The following BRD4 variants were observed in gnomAD, a reference collection of about 807,000 sequenced individuals.
The protein encoded by BRD4 is bromodomain-containing protein 4.
A neutral mutation model predicts 142.1 loss-of-function variants in BRD4; 16 were observed. The ratio of observed to expected loss-of-function variants is 0.11; its 90% confidence interval spans 0.08 to 0.17. The LOEUF (loss-of-function observed/expected upper bound fraction) is 0.17, where lower values mean the gene tolerates loss of function less well. Ranked by LOEUF, BRD4 falls within the 10% of genes least tolerant of loss-of-function variation. The pLI, the probability that BRD4 is intolerant of heterozygous loss-of-function variation, is 1.00. For missense variants in BRD4, 1,424 were observed against 1,810.9 expected, an observed-to-expected ratio of 0.79 and a Z score of 3.88; for synonymous variants, 833 against 707.5, an observed-to-expected ratio of 1.18 and a Z score of -2.82.
intron 1 of BRD4, among the ~76,000 whole-genome samples, chr19:15,275,206 G>C (rs1334152249): frequency 2.0e-5 from 3 of 152,194 alleles, no homozygotes; most frequent in African/African-American, 4.8e-5. Context: ...GTTTTCTACA[G>C]AAAACCTGAC....
chr19:15,275,870 T>C (rs1411839908), intron 1 of BRD4: 1 of 152,136 alleles, frequency 6.6e-6, no homozygotes, highest in Non-Finnish European at 1.5e-5. Flanking sequence ...TAGCCGGGCA[T>C]GGTGGCCAGC....
chr19:15,310,271 T>G (rs1300082210), intron 1 of BRD4, among the ~76,000 whole-genome samples: 1 of 124,284 alleles, frequency 8.0e-6, no homozygotes, highest in East Asian at 2.6e-4. Context: ...TGAAGTGCAA[T>G]GGCGTGATCT....
Position 15,273,104 on chromosome 19 carries a change from G to A in BRD4, c.-5C>T. On this transcript the variant is annotated 5_prime_UTR_variant, in exon 2 of 20. Coordinates refer to ENST00000679869, the MANE Select transcript of BRD4 (RefSeq NM_001379291.1). The stretch of plus-strand genomic sequence containing the variant: ...AGGGCCGCTCTCCGCAGACATGCTA[G>A]TGATCCCATCACATTCTTCACCAGG... The A allele has an allele frequency of 6.3e-7, 1 of 1,578,688 alleles. No homozygotes were observed. The highest frequency in any genetic ancestry group is 1.2e-5 in the South Asian group (1 of 84,706).
At chr19:15,251,450 G>C (rs947389060) in intron 11 of BRD4, among the ~76,000 whole-genome samples, 6 of 106,636 alleles carry the variant, frequency 5.6e-5, no homozygotes, top group African/African-American at 7.5e-5. Context: ...GGGGGGGGGG[G>C]GGGGGCGGGG....
chr19:15,241,726 G>A (rs189164547), intron 14 of BRD4, among the ~76,000 whole-genome samples: 124 of 151,802 alleles, frequency 8.2e-4, no homozygotes, highest in Non-Finnish European at 1.4e-3. Context: ...CAGCTGCCAG[G>A]CCCAACACCA....
chr19:15,245,303 CAG>C (rs531932280), intron 11 of BRD4, among the ~76,000 whole-genome samples: 8 of 152,134 alleles, frequency 5.3e-5, no homozygotes, highest in South Asian at 4.2e-4. Context: ...CAAAGGGAAG[CAG>C]AGAGGCTCAG....
intron 1 of BRD4, among the ~76,000 whole-genome samples, chr19:15,298,188 G>A (rs1484506536): frequency 2.0e-5 from 3 of 152,194 alleles, no homozygotes; most frequent in East Asian, 1.9e-4. Flanking sequence ...GCACAAACAC[G>A]GGTGGAGGTC....
Position 15,242,929 on chromosome 19 carries a change from C to T in BRD4, c.3140G>A (p.Arg1047Gln), listed in dbSNP as rs768856782. The T allele has an allele frequency of 7.1e-5, 99 of 1,403,312 alleles. No homozygotes were observed. Among genetic ancestry groups the T allele is most frequent in the Non-Finnish European group, 8.3e-5 (88 of 1,056,414 alleles). 86.9% of individuals were successfully genotyped at this position (1,403,312 alleles called of 1,614,324 possible). The change falls in exon 14 of 20, where the codon CGG becomes CAG. Residue 1047 changes from arginine (R) to glutamine (Q), a missense_variant. Physicochemically the swap from Arg to Gln is conservative, Grantham distance 43. Transcript: ENST00000679869. ...QQVIQHHHSP[R>Q]HHKSDPYSTG... The stretch of plus-strand genomic sequence containing the variant: ...TGAGTAGGGGTCCGACTTGTGGTGC[C>T]GGGGTGAATGGTGGTGCTGGATGAC...
chr19:15,325,382 G>A (rs1482988771), intron 1 of BRD4, among the ~76,000 whole-genome samples: 1 of 152,146 alleles, frequency 6.6e-6, no homozygotes, highest in African/African-American at 2.4e-5. Flanking sequence ...ACCCTCCCTA[G>A]AGCATTCCAG....
intron 1 of BRD4, among the ~76,000 whole-genome samples, chr19:15,276,405 C>CT (rs1385747880): frequency 1.3e-5 from 2 of 151,728 alleles, no homozygotes; most frequent in Non-Finnish European, 2.9e-5. Flanking sequence ...CATCTAGGCT[C>CT]TAACAACAAG....
chr19:15,282,283 C>G (rs914392650), intron 1 of BRD4, among the ~76,000 whole-genome samples: 6 of 152,288 alleles, frequency 3.9e-5, no homozygotes, highest in African/African-American at 1.4e-4. Context: ...CCATAGATTT[C>G]TAGACTTTGT....
chr19:15,294,893 C>T (rs2047811139), intron 1 of BRD4, among the ~76,000 whole-genome samples: 1 of 152,142 alleles, frequency 6.6e-6, no homozygotes, highest in Admixed American at 6.6e-5. Flanking sequence ...GTCCCAGACC[C>T]CACGCCCAGA....
intron 11 of BRD4, chr19:15,253,432 A>G: frequency 1.1e-6 from 1 of 891,842 alleles, no homozygotes; most frequent in Non-Finnish European, 1.7e-6. Context: ...GCTGCTCAGA[A>G]GGTGGGCTCT....
intron 1 of BRD4, among the ~76,000 whole-genome samples, chr19:15,327,723 C>A (rs1197584932): frequency 6.6e-6 from 1 of 151,890 alleles, no homozygotes; most frequent in Non-Finnish European, 1.5e-5. Context: ...CTGATTCATG[C>A]TACACAGCAA....
At chr19:15,285,677 C>T (rs1437140581) in intron 1 of BRD4, among the ~76,000 whole-genome samples, 1 of 152,134 alleles carries the variant, frequency 6.6e-6, no homozygotes, top group African/African-American at 2.4e-5. Context: ...GTGCACATCC[C>T]TGAGTAGAAA....
chr19:15,259,086 C>T (rs1240984103), intron 7 of BRD4, among the ~76,000 whole-genome samples: 4 of 151,612 alleles, frequency 2.6e-5, no homozygotes, highest in East Asian at 1.9e-4. Context: ...CTGCAGCACC[C>T]GGCTACGTGG....
At chr19:15,330,251 T>C (rs1260552535) in intron 1 of BRD4, among the ~76,000 whole-genome samples, 1 of 152,204 alleles carries the variant, frequency 6.6e-6, no homozygotes, top group East Asian at 1.9e-4. Context: ...CTATGTTTCC[T>C]ACCAAAGAAA....
At chr19:15,261,813 G>A (rs950783619) in intron 7 of BRD4, among the ~76,000 whole-genome samples, 9 of 152,230 alleles carry the variant, frequency 5.9e-5, no homozygotes, top group African/African-American at 1.7e-4. Flanking sequence ...GGTGGCACAC[G>A]CTTGCTGTCC....
At chr19:15,248,895 A>G (rs2047315730) in intron 11 of BRD4, 4 of 339,414 alleles carry the variant, frequency 1.2e-5, no homozygotes. Context: ...GATGGGACAA[A>G]GAGAGAAAAC....
Sources: gnomAD v4.1 joint callset for allele counts (sites outside exome capture counted in the v4.1 genomes callset) on GRCh38, gnomAD v4.1.1 for gene constraint, MANE v1.5 for transcripts, NCBI Gene and HGNC (gene_info 2026-07-23, HGNC 2026-07-21) for gene names.